GRIK4: variants seen among roughly 807,000 people sequenced by gnomAD.
GRIK4 encodes glutamate receptor ionotropic, kainate 4.
In GRIK4, 40 loss-of-function variants were observed where a neutral mutation model predicts 104.9. That is an observed-to-expected ratio of 0.38 (90% CI 0.30 to 0.50). The LOEUF (loss-of-function observed/expected upper bound fraction) is 0.50, where lower values mean the gene tolerates loss of function less well. Among genes scored for constraint, GRIK4 ranks in the 20% least tolerant of loss-of-function variants. The pLI is 0.93. For synonymous variants in GRIK4, 485 were observed against 524.9 expected (o/e 0.92, Z 1.04); for missense variants, 1,047 against 1,308.1 (o/e 0.80, Z 3.08).
At chr11:120,829,684 C>A (rs1183080361) in intron 6 of GRIK4, among the ~76,000 whole-genome samples, 14 of 152,212 alleles carry the variant, frequency 9.2e-5, no homozygotes, top group Admixed American at 9.2e-4. Flanking sequence ...TCCCGGCAGC[C>A]TTTCTCATAC....
intron 1 of GRIK4, among the ~76,000 whole-genome samples, chr11:120,538,442 A>G (rs576969700): frequency 6.6e-6 from 1 of 152,358 alleles, no homozygotes; most frequent in South Asian, 2.1e-4. Context: ...CTCCCAGCAC[A>G]GGCACATCCA....
intron 3 of GRIK4, among the ~76,000 whole-genome samples, chr11:120,788,936 C>G (rs1204003181): frequency 1.3e-5 from 2 of 152,170 alleles, no homozygotes; most frequent in African/African-American, 4.8e-5. Context: ...CCCCGGTGAC[C>G]TCCTACTTGC....
chr11:120,658,231 T>C (rs1241065233), intron 2 of GRIK4, among the ~76,000 whole-genome samples: 1 of 152,222 alleles, frequency 6.6e-6, no homozygotes, highest in East Asian at 1.9e-4. Flanking sequence ...TTCATTTTCA[T>C]TTCTGTATAA....
At chr11:120,614,725 C>T (rs562446642) in intron 1 of GRIK4, among the ~76,000 whole-genome samples, 3 of 152,128 alleles carry the variant, frequency 2.0e-5, no homozygotes, top group Admixed American at 6.5e-5. Context: ...GTTGGCTGGG[C>T]GCGGTGGCTC....
At chr11:120,787,431 T>C (rs1326306612) in intron 3 of GRIK4, among the ~76,000 whole-genome samples, 3 of 151,168 alleles carry the variant, frequency 2.0e-5, no homozygotes, top group Non-Finnish European at 4.4e-5. Flanking sequence ...GATGTTATTT[T>C]ATTTTATTTT....
At chr11:120,865,747 C>G (rs1954391055) in intron 9 of GRIK4, among the ~76,000 whole-genome samples, 1 of 152,122 alleles carries the variant, frequency 6.6e-6, no homozygotes, top group Non-Finnish European at 1.5e-5. Context: ...GTCTGAATAC[C>G]CGAATACAGA....
intron 11 of GRIK4, among the ~76,000 whole-genome samples, chr11:120,876,517 TAGC>T (rs1954825521): frequency 6.7e-6 from 1 of 149,938 alleles, no homozygotes; most frequent in Admixed American, 6.7e-5. Context: ...GTCATCATCA[TAGC>T]AGCCTCCATT....
intron 8 of GRIK4, among the ~76,000 whole-genome samples, chr11:120,860,449 G>C (rs187639724): frequency 1.3e-5 from 2 of 152,212 alleles, no homozygotes; most frequent in South Asian, 4.1e-4. Context: ...GGCCCCACCA[G>C]CGTTATTGCA....
chr11:120,960,935 C>T lies in GRIK4; in HGVS notation c.1901C>T (p.Ser634Leu). The part of the protein sequence containing the change: ...VWWAFTLIII[S>L]SYTANLAAFL... ...TGGGCATTCACGCTGATCATCATCT[C>T]ATCCTACACGGCCAACCTGGCAGCC... Residue 634 changes from serine to leucine, a missense_variant, in exon 17 of 21, where the codon TCA (serine) becomes TTA (leucine). Ser to Leu is a moderately radical substitution (Grantham distance 145, BLOSUM62 -2). Coordinates refer to ENST00000527524, the MANE Select transcript of GRIK4 (RefSeq NM_014619.5). 2 of 1,613,910 alleles carry T rather than the reference C, an allele frequency of 1.2e-6. No individual in the cohort carries two copies. Among genetic ancestry groups the T allele is most frequent in the Non-Finnish European group, 1.7e-6 (2 of 1,179,966 alleles).
At chr11:120,713,687 G>A (rs911755491) in intron 3 of GRIK4, among the ~76,000 whole-genome samples, 4 of 152,168 alleles carry the variant, frequency 2.6e-5, no homozygotes, top group Non-Finnish European at 4.4e-5. Context: ...TGGGAAACTC[G>A]GTGAGGTAGA....
At position 120,956,497 on chromosome 11, in the gene GRIK4, A is replaced by T. The variant is rs1591329945; in HGVS notation, c.1701-283A>T. 2.6e-5 allele frequency among the ~76,000 whole-genome samples: 4 copies of T among 152,178 alleles called. No individual in the cohort carries two copies. The South Asian group carries it at 8.3e-4, about 32-fold the overall frequency. The stretch of plus-strand genomic sequence containing the variant: ...TGGGATTACAGGCATGAGCCACCGC[A>T]CCTGGCCATCCTCTATTCTGTATTT... On this transcript the variant is annotated intron_variant, in intron 15 of 20. Coordinates refer to ENST00000527524, the MANE Select transcript of GRIK4 (RefSeq NM_014619.5). The surrounding 1 kb of genome is among the most constrained non-coding windows in gnomAD (Gnocchi z 4.6).
At chr11:120,882,353 C>G (rs892262984) in intron 11 of GRIK4, among the ~76,000 whole-genome samples, 10 of 152,184 alleles carry the variant, frequency 6.6e-5, no homozygotes, top group African/African-American at 2.4e-4. Flanking sequence ...CTGCTTCTGC[C>G]GGAGCCTGGC....
intron 20 of GRIK4, among the ~76,000 whole-genome samples, chr11:120,982,902 A>G (rs1591357915): frequency 6.6e-6 from 1 of 152,122 alleles, no homozygotes; most frequent in African/African-American, 2.4e-5. Context: ...CCTTAACACA[A>G]CACCGCCTGC....
At chr11:120,814,824 G>A (rs3020103) in intron 4 of GRIK4, among the ~76,000 whole-genome samples, 86,205 of 151,962 alleles carry the variant, frequency 0.57, 24,954 homozygotes, top group East Asian at 0.86. Flanking sequence ...TCTGCCTCTC[G>A]CTTTCTCCCT....
chr11:120,852,864 C>T (rs1389603505), intron 8 of GRIK4, among the ~76,000 whole-genome samples: 2 of 152,164 alleles, frequency 1.3e-5, no homozygotes, highest in Non-Finnish European at 1.5e-5. Flanking sequence ...AGACAAGGGT[C>T]TGGGGCCTGG....
intron 3 of GRIK4, among the ~76,000 whole-genome samples, chr11:120,727,770 ATTATT>A (rs923875879): frequency 5.3e-5 from 8 of 152,136 alleles, no homozygotes; most frequent in African/African-American, 1.9e-4. Context: ...AAGGAAAAAC[ATTATT>A]TTATAAATGA....
At chr11:120,757,309 G>A (rs1023826380) in intron 3 of GRIK4, among the ~76,000 whole-genome samples, 2 of 152,236 alleles carry the variant, frequency 1.3e-5, no homozygotes, top group Admixed American at 1.3e-4. Flanking sequence ...GTGGCCAATG[G>A]GAGTAGCATG....
intron 4 of GRIK4, among the ~76,000 whole-genome samples, chr11:120,808,594 A>G (rs1307275043): frequency 6.6e-6 from 1 of 152,156 alleles, no homozygotes; most frequent in Non-Finnish European, 1.5e-5. Context: ...GCCCTCACAC[A>G]CTTTCTTCCT....
At chr11:120,796,062 G>T (rs1054523199) in intron 3 of GRIK4, among the ~76,000 whole-genome samples, 5 of 143,526 alleles carry the variant, frequency 3.5e-5, no homozygotes, top group Non-Finnish European at 7.5e-5. Flanking sequence ...CCAAGACGGG[G>T]TCTCGCTCTG....
Sources: gnomAD v4.1 joint callset for allele counts (sites outside exome capture counted in the v4.1 genomes callset) on GRCh38, gnomAD v4.1.1 for gene constraint, Gnocchi (gnomAD v3.1) non-coding constraint, MANE v1.5 for transcripts, NCBI Gene and HGNC (gene_info 2026-07-23, HGNC 2026-07-21) for gene names.